Variants in INTU observed in about 807,000 individuals in gnomAD.
INTU encodes the protein inturned planar cell polarity protein.
INTU carries 68 observed loss-of-function variants against 100.5 expected under a neutral mutation model. The observed-to-expected ratio is 0.68, with a 90% CI of 0.56 to 0.83. The LOEUF is 0.83. INTU is among the 40% of genes least tolerant of loss of function. The probability of loss-of-function intolerance (pLI) is 0.00; values close to 1 mark genes in which losing one functional copy is unlikely to be tolerated. For synonymous variants in INTU, 357 were observed against 395.7 expected, an observed-to-expected ratio of 0.90 and a Z score of 1.16; for missense variants, 1,071 against 1,114.7, an observed-to-expected ratio of 0.96 and a Z score of 0.56.
At chr4:127,708,753 A>C in intron 13 of INTU, 85 bp downstream of exon 13, 1 of 657,846 alleles carries the variant, frequency 1.5e-6, no homozygotes, top group Non-Finnish European at 2.6e-6. Context: ...TATTTTACTC[A>C]ACAAATGTAA....
intron 1 of INTU, among the ~76,000 whole-genome samples, chr4:127,636,233 C>T (rs976586935): frequency 1.3e-5 from 2 of 152,012 alleles, no homozygotes; most frequent in Admixed American, 1.3e-4. Flanking sequence ...CACACCATTG[C>T]ACCCCAGTCT....
At chr4:127,698,818 T>C (rs1730512243) in intron 8 of INTU, among the ~76,000 whole-genome samples, 1 of 152,178 alleles carries the variant, frequency 6.6e-6, no homozygotes, top group South Asian at 2.1e-4. Context: ...AGCAACTCAT[T>C]GAACAGTTTC....
At chr4:127,676,511 T>C (rs1225337575) in intron 6 of INTU, among the ~76,000 whole-genome samples, 2 of 149,706 alleles carry the variant, frequency 1.3e-5, no homozygotes, top group Non-Finnish European at 3.0e-5. Context: ...GCTTGGGCCT[T>C]GGAGGCAGAG....
At chr4:127,682,946 TAGAG>T (rs1217033634) in intron 6 of INTU, among the ~76,000 whole-genome samples, 1 of 151,914 alleles carries the variant, frequency 6.6e-6, no homozygotes, top group Non-Finnish European at 1.5e-5. Context: ...CATAGGCAGT[TAGAG>T]AGAGGAAAGG....
chr4:127,638,417 G>A (rs1727167851), intron 1 of INTU, among the ~76,000 whole-genome samples: 1 of 152,144 alleles, frequency 6.6e-6, no homozygotes, highest in Non-Finnish European at 1.5e-5. Context: ...GGGGCTGGCT[G>A]TTTTATAACT....
intron 9 of INTU, among the ~76,000 whole-genome samples, chr4:127,703,505 G>T (rs1001216376): frequency 1.3e-5 from 2 of 152,096 alleles, no homozygotes; most frequent in South Asian, 4.2e-4. Context: ...TATAGTTGGT[G>T]GGGATGCTAT....
At position 127,714,039 on chromosome 4, in the gene INTU, GA is replaced by G; in HGVS notation, c.2666del (p.Asn889ThrfsTer16). 1 of 1,613,632 alleles carries G rather than the reference GA, an allele frequency of 6.2e-7. No homozygotes were observed. The highest frequency in any genetic ancestry group is 1.3e-5 in the African/African-American group (1 of 75,012). ...EHGVLFECSP[G>X]NWTDQKKAPP... ...GGTGTGTTGTTTGAATGTTCACCTG[GA>G]AACTGGACTGATCAGAAAAAAGCAC... On this transcript the variant is annotated frameshift_variant, in exon 15 of 16. Coordinates refer to ENST00000335251, the MANE Select transcript of INTU (RefSeq NM_015693.4). LOFTEE classifies it high-confidence loss of function.
intron 2 of INTU, among the ~76,000 whole-genome samples, chr4:127,645,908 C>T (rs192242745): frequency 4.3e-4 from 65 of 151,830 alleles, no homozygotes; most frequent in African/African-American, 1.4e-3. Flanking sequence ...ATAGGCCTGG[C>T]GTGGTGGCTA....
At chr4:127,700,626 C>T (rs1453713907) in intron 9 of INTU, among the ~76,000 whole-genome samples, 1 of 152,080 alleles carries the variant, frequency 6.6e-6, no homozygotes, top group African/African-American at 2.4e-5. Flanking sequence ...ATTCAGAAAG[C>T]TTTCCAAAAA....
At chr4:127,683,679 C>T (rs1048423924) in intron 6 of INTU, 1 of 152,174 alleles carries the variant, frequency 6.6e-6, no homozygotes, top group Non-Finnish European at 1.5e-5. Flanking sequence ...ATCACATTCC[C>T]GTGATGGCTG....
At chr4:127,637,479 T>C (rs1727124161) in intron 1 of INTU, among the ~76,000 whole-genome samples, 1 of 152,204 alleles carries the variant, frequency 6.6e-6, no homozygotes, top group Admixed American at 6.5e-5. Context: ...ACCTACACCT[T>C]TATGTACTTT....
At chr4:127,704,552 C>A (rs1276234467) in intron 10 of INTU, among the ~76,000 whole-genome samples, 1 of 152,092 alleles carries the variant, frequency 6.6e-6, no homozygotes, top group Non-Finnish European at 1.5e-5. Flanking sequence ...GCTTTGGCCT[C>A]CCAAAGTACT....
intron 2 of INTU, among the ~76,000 whole-genome samples, chr4:127,654,860 C>T (rs1239275024): frequency 2.1e-5 from 3 of 144,720 alleles, no homozygotes; most frequent in Non-Finnish European, 3.0e-5. Flanking sequence ...TCAGGTACAC[C>T]AATCAGACGT....
intron 1 of INTU, 58 bp downstream of exon 1, chr4:127,633,238 G>C (rs1466943748): frequency 1.9e-6 from 3 of 1,559,152 alleles, no homozygotes; most frequent in Non-Finnish European, 2.6e-6. Context: ...GAATATACAC[G>C]TGGGCTGGGG....
rs953300686 is a variant in INTU, at chr4:127,659,949, C to G, written c.768+3228C>G. Among the ~76,000 whole-genome samples, 127 of 152,276 alleles carry G rather than the reference C, an allele frequency of 8.3e-4. 1 individual carries two copies. The highest frequency in any genetic ancestry group is 6.8e-3 in the Middle Eastern group (2 of 294). On this transcript the variant is annotated intron_variant, in intron 3 of 15. Transcript: ENST00000335251. ...TACTGTGGAAAAATTAGAAAACAAACTAGTAAAATTTTTTAAATATTTGTA... is the reference window on the plus strand; with the variant it reads ...TACTGTGGAAAAATTAGAAAACAAAGTAGTAAAATTTTTTAAATATTTGTA...
At chr4:127,714,981 T>C (rs1015075698) in intron 15 of INTU, among the ~76,000 whole-genome samples, 3 of 152,184 alleles carry the variant, frequency 2.0e-5, no homozygotes, top group East Asian at 3.9e-4. Context: ...AGAAGAATTA[T>C]GAAATATGCT....
At chr4:127,683,527 T>C (rs1729678592) in intron 6 of INTU, among the ~76,000 whole-genome samples, 1 of 152,182 alleles carries the variant, frequency 6.6e-6, no homozygotes, top group Non-Finnish European at 1.5e-5. Flanking sequence ...CCTGGGATTT[T>C]CTCCTCGTCC....
intron 8 of INTU, among the ~76,000 whole-genome samples, chr4:127,693,921 C>T (rs542873870): frequency 2.0e-5 from 3 of 152,094 alleles, no homozygotes; most frequent in African/African-American, 7.2e-5. Context: ...GGTATGAAAC[C>T]CACTTGATCA....
rs528295460 is a variant in INTU at position 127,678,697 on chromosome 4, C to T, written c.1181+4484C>T. Among the ~76,000 whole-genome samples, 1,517 of 152,186 alleles carry T rather than the reference C, an allele frequency of 1.0e-2. 19 individuals are homozygous for T. The highest frequency in any genetic ancestry group is 0.034 in the African/African-American group (1,412 of 41,522). ...GCTAGGAAGAAACTGCATCAACTAACGAGCAAAATAACCAGCTAACATCAT... is the reference window on the plus strand; with the variant it reads ...GCTAGGAAGAAACTGCATCAACTAATGAGCAAAATAACCAGCTAACATCAT... On this transcript the variant is annotated intron_variant, in intron 6 of 15. Coordinates refer to ENST00000335251, the MANE Select transcript of INTU (RefSeq NM_015693.4).
Sources: allele counts gnomAD v4.1 joint callset (sites outside exome capture counted in the v4.1 genomes callset), GRCh38; gene constraint gnomAD v4.1.1; transcripts MANE v1.5; gene names NCBI Gene and HGNC (gene_info 2026-07-23, HGNC 2026-07-21).